TRIM24: variants seen among roughly 807,000 people sequenced by gnomAD.
The protein encoded by TRIM24 is transcription intermediary factor 1-alpha.
TRIM24 carries 29 observed loss-of-function variants against 123.9 expected under a neutral mutation model. The observed-to-expected ratio is 0.23, with a 90% CI of 0.17 to 0.32. The LOEUF (loss-of-function observed/expected upper bound fraction) is 0.32. Ranked by LOEUF, TRIM24 falls within the 10% of genes least tolerant of loss-of-function variation. TRIM24 has a pLI of 1.00. For missense variants in TRIM24, 932 were observed against 1,295.3 expected (o/e 0.72, Z 4.31); for synonymous variants, 456 against 461.1 (o/e 0.99, Z 0.14).
chr7:138,494,475 T>C (rs1004072633), intron 1 of TRIM24, among the ~76,000 whole-genome samples: 1 of 152,052 alleles, frequency 6.6e-6, no homozygotes, highest in African/African-American at 2.4e-5. Context: ...GGCTCATGCC[T>C]GTAATCCCAG....
rs1798013806 is a variant in TRIM24 at position 138,586,073 on chromosome 7, C to G, written c.*1122C>G. 2.4e-6 allele frequency: 1 copy of G among 410,176 alleles called. No homozygotes were observed. Among genetic ancestry groups the G allele is most frequent in the African/African-American group, 2.1e-5 (1 of 48,418 alleles). 25.4% of individuals were successfully genotyped at this position (410,176 alleles called of 1,614,324 possible). The stretch of plus-strand genomic sequence containing the variant: ...CAGAACATCAAACTTAATCTTTGAT[C>G]TGACTTCTGATTTTATTCTTCTGAT... On this transcript the variant is annotated 3_prime_UTR_variant, in exon 19 of 19. Coordinates refer to ENST00000343526, the MANE Select transcript of TRIM24 (RefSeq NM_015905.3).
At chr7:138,523,521 C>A (rs555829071) in intron 4 of TRIM24, among the ~76,000 whole-genome samples, 1 of 152,046 alleles carries the variant, frequency 6.6e-6, no homozygotes, top group African/African-American at 2.4e-5. Context: ...CTGGGGAGGC[C>A]GAGGCGGGCG....
At chr7:138,547,639 T>C (rs1342003121) in intron 7 of TRIM24, among the ~76,000 whole-genome samples, 3 of 152,186 alleles carry the variant, frequency 2.0e-5, no homozygotes, top group Non-Finnish European at 2.9e-5. Flanking sequence ...GGTAAACACT[T>C]TGCTACATAT....
At chr7:138,548,693 A>T (rs978366618) in intron 7 of TRIM24, among the ~76,000 whole-genome samples, 2 of 152,196 alleles carry the variant, frequency 1.3e-5, no homozygotes, top group Admixed American at 1.3e-4. Flanking sequence ...TTAATTTTTT[A>T]AATGTTTTGA....
chr7:138,556,961 A>G (rs1797327775), intron 9 of TRIM24, among the ~76,000 whole-genome samples: 1 of 152,248 alleles, frequency 6.6e-6, no homozygotes, highest in South Asian at 2.1e-4. Flanking sequence ...TTACAGAGGC[A>G]GAACAAAGGC....
At chr7:138,570,065 A>G (rs1388163016) in intron 10 of TRIM24, among the ~76,000 whole-genome samples, 1 of 151,574 alleles carries the variant, frequency 6.6e-6, no homozygotes, top group Admixed American at 6.6e-5. Context: ...CTCCTGCCAC[A>G]GCCTCCCAAG....
intron 11 of TRIM24, 110 bp from the exon 12 acceptor site, chr7:138,573,397 T>G: frequency 9.5e-7 from 1 of 1,049,786 alleles, no homozygotes; most frequent in Non-Finnish European, 1.3e-6. Context: ...GGTATCTATG[T>G]TTTGTTATTC....
intron 1 of TRIM24, among the ~76,000 whole-genome samples, chr7:138,497,128 G>T (rs545132399): frequency 3.7e-4 from 57 of 152,258 alleles, no homozygotes; most frequent in African/African-American, 1.4e-3. Flanking sequence ...GAAAGAGTTT[G>T]CTTAGGGATG....
At chr7:138,499,835 A>G (rs914979460) in intron 1 of TRIM24, among the ~76,000 whole-genome samples, 1 of 149,284 alleles carries the variant, frequency 6.7e-6, no homozygotes, top group African/African-American at 2.5e-5. Context: ...ACCTCTCTCT[A>G]TGTATTTGAA....
At chr7:138,508,700 C>CGCGCGTGTGCGTGTGT (rs1182276337) in intron 2 of TRIM24, among the ~76,000 whole-genome samples, 4 of 35,574 alleles carry the variant, frequency 1.1e-4, no homozygotes, top group Non-Finnish European at 1.6e-4. Context: ...TGTGCGCGCG[C>CGCGCGTGTGCGTGTGT]GTGTGTGCGT....
At chr7:138,547,491 A>C (rs1797125228) in intron 7 of TRIM24, among the ~76,000 whole-genome samples, 1 of 152,244 alleles carries the variant, frequency 6.6e-6, no homozygotes, top group Non-Finnish European at 1.5e-5. Context: ...TGTACACAGA[A>C]ACATATTCAA....
Position 138,570,934 on chromosome 7 carries a change from T to C in TRIM24, c.1809T>C (p.Ala603=). ...GTGCAGCAGGATATGATGGAAAGGC[T>C]TTTGGTTCACCTATGATCGATTTGA... The part of the protein sequence containing the change: ...ITSAAGYDGK[A]FGSPMIDLSS... Residue 603 remains alanine (A), a synonymous_variant, in exon 11 of 19, where the codon GCT becomes GCC. Coordinates refer to ENST00000343526, the MANE Select transcript of TRIM24 (RefSeq NM_015905.3). 1 of 1,614,146 alleles carries C rather than the reference T, an allele frequency of 6.2e-7. No homozygotes were observed. Among genetic ancestry groups the C allele is most frequent in the South Asian group, 1.1e-5 (1 of 91,074 alleles).
chr7:138,585,730 T>C lies in TRIM24; in HGVS notation c.*779T>C. Reference sequence around the variant, plus strand: ...GAAGTATATACATTTGGGTTTGCTGTGTGTCTATGTGAGGTTTAATTGTAC... The same window carrying C: ...GAAGTATATACATTTGGGTTTGCTGCGTGTCTATGTGAGGTTTAATTGTAC... On this transcript the variant is annotated 3_prime_UTR_variant, in exon 19 of 19. Transcript: ENST00000343526. The C allele has an allele frequency of 2.0e-6, 1 of 489,980 alleles. No individual in the cohort carries two copies. Among genetic ancestry groups the C allele is most frequent in the Non-Finnish European group, 4.0e-6 (1 of 249,688 alleles). The allele number at this position is 489,980 out of a possible 1,614,324, so 30.4% of individuals were successfully genotyped here.
chr7:138,581,628 TATTTAAA>T, intron 16 of TRIM24, 62 bp from the exon 17 acceptor site: 1 of 1,339,462 alleles, frequency 7.5e-7, no homozygotes, highest in Non-Finnish European at 1.0e-6. Flanking sequence ...CTGAGATTGT[TATTTAAA>T]ATAAGCTGTG....
At chr7:138,582,658 G>A (rs188097667) in intron 17 of TRIM24, among the ~76,000 whole-genome samples, 1 of 152,090 alleles carries the variant, frequency 6.6e-6, no homozygotes, top group Non-Finnish European at 1.5e-5. Context: ...GGCGGAGGTT[G>A]CAGTGAGCCG....
chr7:138,536,417 T>C (rs1796874919), intron 6 of TRIM24, among the ~76,000 whole-genome samples: 1 of 152,266 alleles, frequency 6.6e-6, no homozygotes, highest in South Asian at 2.1e-4. Context: ...TTTCTGTTTG[T>C]TAGTTTTCTT....
intron 1 of TRIM24, among the ~76,000 whole-genome samples, chr7:138,492,917 AT>A (rs1208510129): frequency 6.6e-6 from 1 of 151,898 alleles, no homozygotes; most frequent in Non-Finnish European, 1.5e-5. Flanking sequence ...GGTTCTGTTA[AT>A]TTTTTCTTTA....
Position 138,473,023 on chromosome 7 carries a change from T to A in TRIM24, c.364+12111T>A, listed in dbSNP as rs573402041. On this transcript the variant is annotated intron_variant, in intron 1 of 18. Coordinates refer to ENST00000343526, the MANE Select transcript of TRIM24 (RefSeq NM_015905.3). ...GGCTGGGTGCGTTGGCTCATGCCTG[T>A]AATCCCAACACTTTGGGAGGCTGAG... Among the ~76,000 whole-genome samples, 41 of 152,322 alleles carry A rather than the reference T, an allele frequency of 2.7e-4. 1 individual carries two copies. The South Asian group carries it at 7.7e-3, about 29-fold the overall frequency.
At chr7:138,502,826 G>T (rs1796070391) in intron 1 of TRIM24, among the ~76,000 whole-genome samples, 1 of 152,012 alleles carries the variant, frequency 6.6e-6, no homozygotes, top group African/African-American at 2.4e-5. Context: ...TTTTGTTCAT[G>T]GTAATATTTT....
Sources: gnomAD v4.1 joint callset for allele counts (sites outside exome capture counted in the v4.1 genomes callset) on GRCh38, gnomAD v4.1.1 for gene constraint, MANE v1.5 for transcripts, NCBI Gene and HGNC (gene_info 2026-07-23, HGNC 2026-07-21) for gene names.